Variants in XKR9 observed in about 807,000 individuals in gnomAD.
The protein encoded by XKR9 is XK-related protein 9.
Under a neutral mutation model 32.0 loss-of-function variants are expected in XKR9, and 32 were observed. The ratio of observed to expected loss-of-function variants is 1.00; its 90% CI spans 0.76 to 1.34. The LOEUF is 1.34. XKR9 is among the 40% of genes most tolerant of loss of function. XKR9 has a pLI of 0.00. For missense variants in XKR9, 546 were observed against 429.7 expected (o/e 1.27, Z -2.39); for synonymous variants, 168 against 143.4 (o/e 1.17, Z -1.22).
chr8:70,864,363 G>A, the XKR9 span, among the ~76,000 whole-genome samples: 2 of 152,096 alleles, frequency 1.3e-5, no homozygotes, highest in Non-Finnish European at 2.9e-5. Context: ...CCCACCATGT[G>A]CCCAGAATAA....
chr8:70,695,002 G>T (rs73300830), intron 3 of XKR9, among the ~76,000 whole-genome samples: 16,920 of 152,120 alleles, frequency 0.11, 1,104 homozygotes, highest in African/African-American at 0.17. Context: ...TGACCTGAGG[G>T]TTGCAAAGAG....
At chr8:71,062,942 A>G in the XKR9 span, among the ~76,000 whole-genome samples, 15 of 152,102 alleles carry the variant, frequency 9.9e-5, 1 homozygote, top group African/African-American at 2.7e-4. Flanking sequence ...TCGAGCTATA[A>G]GCCGTACATT....
chr8:70,971,125 C>A, the XKR9 span, among the ~76,000 whole-genome samples: 1 of 152,170 alleles, frequency 6.6e-6, no homozygotes. Flanking sequence ...TGCATCCATG[C>A]CAACACCTAC....
chr8:70,714,175 A>G (rs1806013088), intron 4 of XKR9, among the ~76,000 whole-genome samples: 2 of 152,164 alleles, frequency 1.3e-5, no homozygotes, highest in Non-Finnish European at 1.5e-5. Context: ...GGGCCTCACC[A>G]TTATAAACTT....
chr8:70,969,700 T>C, the XKR9 span, among the ~76,000 whole-genome samples: 2 of 152,232 alleles, frequency 1.3e-5, no homozygotes, highest in Non-Finnish European at 2.9e-5. Flanking sequence ...TTTAAATGCA[T>C]GAATTTTCTA....
the XKR9 span, among the ~76,000 whole-genome samples, chr8:70,898,730 T>A: frequency 6.7e-6 from 1 of 149,696 alleles, no homozygotes; most frequent in Non-Finnish European, 1.5e-5. Context: ...TGTTTTATAT[T>A]ATTTTTCTTT....
At chr8:70,995,371 C>T in the XKR9 span, among the ~76,000 whole-genome samples, 98 of 152,254 alleles carry the variant, frequency 6.4e-4, no homozygotes, top group Middle Eastern at 0.014. Context: ...GTATAGTTCC[C>T]TTATATAATT....
chr8:70,891,854 G>A, the XKR9 span, among the ~76,000 whole-genome samples: 6 of 152,044 alleles, frequency 3.9e-5, no homozygotes, highest in African/African-American at 1.4e-4. Flanking sequence ...ACAGGGGGAT[G>A]TTGAAGTCCC....
intron 2 of XKR9, among the ~76,000 whole-genome samples, chr8:70,776,963 A>ATATATG (rs1807534357): frequency 9.4e-6 from 1 of 105,850 alleles, no homozygotes; most frequent in African/African-American, 3.5e-5. Context: ...ATATATATAT[A>ATATATG]TGTATGTATT....
chr8:70,957,128 A>G, the XKR9 span, among the ~76,000 whole-genome samples: 1 of 152,210 alleles, frequency 6.6e-6, no homozygotes, highest in Non-Finnish European at 1.5e-5. Context: ...AATATGAATT[A>G]CACTTTGGAA....
At chr8:70,699,827 A>T (rs1033173959) in intron 3 of XKR9, among the ~76,000 whole-genome samples, 8 of 152,230 alleles carry the variant, frequency 5.3e-5, no homozygotes, top group African/African-American at 1.9e-4. Context: ...CACCAATCAG[A>T]TGTAGATTTG....
At chr8:71,051,032 T>A in the XKR9 span, among the ~76,000 whole-genome samples, 1 of 146,416 alleles carries the variant, frequency 6.8e-6, no homozygotes, top group African/African-American at 2.5e-5. Context: ...TGTTAAAAAA[T>A]TATTTCAGTG....
At chr8:70,785,205 G>T (rs1387800634) in intron 2 of XKR9, among the ~76,000 whole-genome samples, 1 of 151,892 alleles carries the variant, frequency 6.6e-6, no homozygotes, top group Non-Finnish European at 1.5e-5. Context: ...GGTCTCTTCA[G>T]ATTTTCTATT....
At chr8:70,738,956 G>A (rs533416567), downstream of XKR9, among the ~76,000 whole-genome samples, 5 of 152,306 alleles carry the variant, frequency 3.3e-5, no homozygotes, top group African/African-American at 1.2e-4. Context: ...GTTGATTTGG[G>A]GTGGAGAGTT....
At chr8:70,767,305 AC>A (rs1166167879) in intron 2 of XKR9, among the ~76,000 whole-genome samples, 4 of 151,844 alleles carry the variant, frequency 2.6e-5, no homozygotes, top group Non-Finnish European at 5.9e-5. Flanking sequence ...CAGGGATTTG[AC>A]TTCTTCCTGG....
the XKR9 span, among the ~76,000 whole-genome samples, chr8:70,853,404 C>A: frequency 2.0e-5 from 3 of 151,786 alleles, no homozygotes. Flanking sequence ...ACCAAAATAT[C>A]TCATGTACTC....
chr8:70,969,055 TA>T, the XKR9 span, among the ~76,000 whole-genome samples: 9 of 152,314 alleles, frequency 5.9e-5, no homozygotes, highest in Admixed American at 5.9e-4. Context: ...TACAATTTCA[TA>T]ATGCTGCTTA....
chr8:70,906,171 T>C, the XKR9 span, among the ~76,000 whole-genome samples: 2 of 152,210 alleles, frequency 1.3e-5, no homozygotes, highest in African/African-American at 2.4e-5. Flanking sequence ...GACAGGGGCG[T>C]TTAAGTCTGC....
chr8:71,039,390 T>A, the XKR9 span, among the ~76,000 whole-genome samples: 1 of 152,208 alleles, frequency 6.6e-6, no homozygotes, highest in Non-Finnish European at 1.5e-5. Context: ...CAAAATCATC[T>A]AACACAAAGC....
Sources: allele counts gnomAD v4.1 joint callset (sites outside exome capture counted in the v4.1 genomes callset), GRCh38; gene constraint gnomAD v4.1.1; transcripts MANE v1.5; gene names NCBI Gene and HGNC (gene_info 2026-07-23, HGNC 2026-07-21).